The following SNAP91 variants were observed in gnomAD, a reference collection of about 807,000 sequenced individuals.
SNAP91 encodes clathrin coat assembly protein AP180.
In SNAP91, 27 loss-of-function variants were observed where a neutral mutation model predicts 100.3. The ratio of observed to expected loss-of-function variants is 0.27; its 90% CI spans 0.20 to 0.37. The LOEUF (loss-of-function observed/expected upper bound fraction) is 0.37. SNAP91 is among the 10% of genes least tolerant of loss of function. The pLI, the probability that SNAP91 is intolerant of heterozygous loss-of-function variation, is 1.00. For missense variants in SNAP91, 986 were observed against 1,123.7 expected, an observed-to-expected ratio of 0.88 and a Z score of 1.75; for synonymous variants, 404 against 398.6, an observed-to-expected ratio of 1.01 and a Z score of -0.16.
intron 5 of SNAP91, among the ~76,000 whole-genome samples, chr6:83,660,655 G>A (rs2098523137): frequency 6.6e-6 from 1 of 151,988 alleles, no homozygotes; most frequent in Non-Finnish European, 1.5e-5. Flanking sequence ...TTAACAATTA[G>A]TTTGATTATG....
chr6:83,632,452 A>G (rs2097249178), intron 8 of SNAP91, among the ~76,000 whole-genome samples: 1 of 152,098 alleles, frequency 6.6e-6, no homozygotes. Flanking sequence ...AAGGCTGGGG[A>G]AATTTTCCTC....
At chr6:83,681,076 T>A (rs1016117369) in intron 2 of SNAP91, among the ~76,000 whole-genome samples, 1 of 152,166 alleles carries the variant, frequency 6.6e-6, no homozygotes, top group South Asian at 2.1e-4. Flanking sequence ...TAATCAAGCA[T>A]AGGAGTCCCT....
rs75901027 is a variant in SNAP91 at position 83,615,455 on chromosome 6, C to G, written c.879-593G>C. Among the ~76,000 whole-genome samples the G allele has an allele frequency of 5.6e-3, 848 of 152,260 alleles. 5 individuals carry two copies. The highest frequency in any genetic ancestry group is 0.019 in the African/African-American group (801 of 41,552). On this transcript the variant is annotated intron_variant, in intron 10 of 29. Transcript: ENST00000369694. Reference sequence around the variant, plus strand: ...GCTTCCTGTCTCCATTTGCTTAAATCCTAGGCAACTCATTTGGCTTCCCAG... The same window carrying G: ...GCTTCCTGTCTCCATTTGCTTAAATGCTAGGCAACTCATTTGGCTTCCCAG...
intron 24 of SNAP91, among the ~76,000 whole-genome samples, chr6:83,579,405 TC>T (rs34575832): frequency 2.0e-5 from 3 of 152,020 alleles, no homozygotes; most frequent in Admixed American, 2.0e-4. Flanking sequence ...AAATAACCTC[TC>T]CCCGGGTGTC....
intron 2 of SNAP91, among the ~76,000 whole-genome samples, chr6:83,691,567 A>T (rs1015232848): frequency 2.0e-5 from 3 of 152,138 alleles, no homozygotes; most frequent in African/African-American, 7.2e-5. Context: ...ATGGCAATTT[A>T]TTAGTGCTCA....
Position 83,601,322 on chromosome 6 carries a change from A to G in SNAP91, c.1273T>C (p.Ser425Pro), listed in dbSNP as rs1055677542. ...ACAGCAGTAACAGTTGTAGTAGTGG[A>G]GGCAGAAGCTGAGGCAGTTGCAATT... ...AEIATASASA[S>P]TTTTVTAVTA... Residue 425 changes from serine to proline, a missense_variant, in exon 16 of 30, where the codon TCC becomes CCC. By Grantham distance (74) the Ser-to-Pro change is moderately conservative. Transcript: ENST00000369694. The G allele has an allele frequency of 6.8e-6, 11 of 1,613,462 alleles. No individual in the cohort carries two copies. Among genetic ancestry groups the G allele is most frequent in the African/African-American group, 1.3e-5 (1 of 74,894 alleles).
chr6:83,623,180 A>G, intron 9 of SNAP91, 121 bp downstream of exon 9: 1 of 677,632 alleles, frequency 1.5e-6, no homozygotes, highest in Non-Finnish European at 2.5e-6. Flanking sequence ...ATAATTTCCA[A>G]GAAAGTTGGT....
rs74867123 is a variant in SNAP91, at chr6:83,555,616, G to A, written c.*10+527C>T. Reference sequence around the variant, plus strand: ...GTTTCCTTCCATAACTTCAGCATGAGTCATTTCATAAATTATATGAAATTT... The same window carrying A: ...GTTTCCTTCCATAACTTCAGCATGAATCATTTCATAAATTATATGAAATTT... On this transcript the variant is annotated intron_variant, in intron 29 of 29. Coordinates refer to ENST00000369694, the MANE Select transcript of SNAP91 (RefSeq NM_001242792.2). Among the ~76,000 whole-genome samples the A allele has an allele frequency of 4.6e-3, 693 of 152,238 alleles. 5 individuals are homozygous for A. The highest frequency in any genetic ancestry group is 7.5e-3 in the Non-Finnish European group (509 of 68,018).
intron 23 of SNAP91, among the ~76,000 whole-genome samples, 177 bp from the exon 24 acceptor site, chr6:83,580,776 T>C (rs764627665): frequency 6.6e-6 from 1 of 152,200 alleles, no homozygotes; most frequent in Non-Finnish European, 1.5e-5. Context: ...TGTCGACATA[T>C]GTCTACTCAT....
At chr6:83,578,361 T>A (rs1822764576) in intron 24 of SNAP91, among the ~76,000 whole-genome samples, 1 of 152,228 alleles carries the variant, frequency 6.6e-6, no homozygotes, top group Admixed American at 6.5e-5. Context: ...AAGTTTTCCA[T>A]ATCCTCATCA....
At chr6:83,648,065 A>C (rs2098025325) in intron 7 of SNAP91, among the ~76,000 whole-genome samples, 1 of 152,226 alleles carries the variant, frequency 6.6e-6, no homozygotes, top group Admixed American at 6.5e-5. Flanking sequence ...GCAGTACAGA[A>C]CATTTTTATT....
At chr6:83,708,273 C>G in intron 1 of SNAP91, 1 of 242,748 alleles carries the variant, frequency 4.1e-6, no homozygotes, top group East Asian at 1.1e-4. Flanking sequence ...CAGCACTTTC[C>G]CCGCAACCTG....
intron 22 of SNAP91, among the ~76,000 whole-genome samples, chr6:83,589,358 T>C (rs1410185106): frequency 6.6e-6 from 1 of 152,210 alleles, no homozygotes; most frequent in African/African-American, 2.4e-5. Flanking sequence ...TTCCAAATAT[T>C]CCATGATGTT....
At chr6:83,661,663 G>T (rs1438776767) in intron 4 of SNAP91, 59 bp from the exon 5 acceptor site, 8 of 952,142 alleles carry the variant, frequency 8.4e-6, no homozygotes, top group Non-Finnish European at 1.3e-5. Context: ...ACTGTGCTTT[G>T]CATAGTACTA....
At chr6:83,687,236 T>G (rs2099072243) in intron 2 of SNAP91, among the ~76,000 whole-genome samples, 1 of 152,192 alleles carries the variant, frequency 6.6e-6, no homozygotes, top group Admixed American at 6.5e-5. Context: ...TTATGCTTAC[T>G]GTATGGTTTT....
At chr6:83,557,317 T>A (rs1780239670) in intron 28 of SNAP91, among the ~76,000 whole-genome samples, 1 of 152,258 alleles carries the variant, frequency 6.6e-6, no homozygotes, top group South Asian at 2.1e-4. Flanking sequence ...TTTGGTCCTA[T>A]GTCCAGAAAC....
chr6:83,557,196 T>G (rs1346123796), intron 28 of SNAP91, among the ~76,000 whole-genome samples: 1 of 152,136 alleles, frequency 6.6e-6, no homozygotes, highest in Non-Finnish European at 1.5e-5. Context: ...ACATCTAGGC[T>G]TTGAGTCTAA....
chr6:83,593,226 G>A lies in SNAP91; in HGVS notation c.1730C>T (p.Ala577Val), dbSNP rs370989881. 3.9e-5 allele frequency: 63 copies of A among 1,596,028 alleles called. No individual in the cohort carries two copies. Among genetic ancestry groups the A allele is most frequent in the Admixed American group, 1.7e-4 (10 of 57,496 alleles). The change falls in exon 19 of 30, where the codon GCG becomes GTG. Residue 577 changes from alanine (A) to valine (V), a missense_variant. Around this residue, in one of 4 missense-constraint regions of SNAP91, gnomAD observed 575 missense variants for 579.9 expected, o/e 0.99. Coordinates refer to ENST00000369694, the MANE Select transcript of SNAP91 (RefSeq NM_001242792.2). ...GCTAGGAGCAGCATCTGGCTTAGGC[G>A]CTGCAGCAACTTCAGGAGTGGACTC... ...LFESTPEVAA[A>V]PKPDAAPSID...
chr6:83,661,722 A>G, intron 4 of SNAP91, 118 bp from the exon 5 acceptor site: 1 of 518,834 alleles, frequency 1.9e-6, no homozygotes, highest in Non-Finnish European at 3.4e-6. Context: ...AGGGTCAATA[A>G]CTGTATCAGA....
Sources: gnomAD v4.1 joint callset for allele counts (sites outside exome capture counted in the v4.1 genomes callset) on GRCh38, gnomAD v4.1.1 for gene constraint, gnomAD v4.1.1 regional missense constraint, MANE v1.5 for transcripts, NCBI Gene and HGNC (gene_info 2026-07-23, HGNC 2026-07-21) for gene names.